LRRC4C: variants seen among roughly 807,000 people sequenced by gnomAD.
The protein encoded by LRRC4C is leucine-rich repeat-containing protein 4C.
In LRRC4C, 5 loss-of-function variants were observed where a neutral mutation model predicts 33.6. That is an observed-to-expected ratio of 0.15 (90% CI 0.08 to 0.31). LRRC4C has a LOEUF of 0.31. Among genes scored for constraint, LRRC4C ranks in the 10% least tolerant of loss-of-function variants. The pLI is 1.00. For synonymous variants in LRRC4C, 329 were observed against 302.0 expected, an observed-to-expected ratio of 1.09 and a Z score of -0.93; for missense variants, 560 against 796.7, an observed-to-expected ratio of 0.70 and a Z score of 3.58.
chr11:40,315,533 T>A (rs1326426747), intron 4 of LRRC4C, among the ~76,000 whole-genome samples: 2 of 152,018 alleles, frequency 1.3e-5, no homozygotes, highest in East Asian at 3.8e-4. Context: ...ATATTATGAA[T>A]ATATTCCCAT....
intron 5 of LRRC4C, among the ~76,000 whole-genome samples, chr11:40,197,625 A>T (rs923600193): frequency 1.6e-4 from 24 of 152,098 alleles, no homozygotes; most frequent in African/African-American, 5.3e-4. Flanking sequence ...TTTCCATTCA[A>T]ATTCTAGAAC....
At chr11:41,196,702 C>T (rs115439660) in intron 1 of LRRC4C, among the ~76,000 whole-genome samples, 3,803 of 152,012 alleles carry the variant, frequency 0.025, 173 homozygotes, top group African/African-American at 0.087. Flanking sequence ...GACAGATAAA[C>T]GGATGCATGA....
chr11:40,998,856 G>A (rs563520245), intron 1 of LRRC4C, among the ~76,000 whole-genome samples: 27 of 152,136 alleles, frequency 1.8e-4, no homozygotes, highest in South Asian at 4.1e-4. Flanking sequence ...TTTCTGGGGC[G>A]TTGTAATTTT....
intron 1 of LRRC4C, among the ~76,000 whole-genome samples, chr11:41,043,788 C>T (rs904119977): frequency 2.0e-5 from 3 of 151,926 alleles, no homozygotes; most frequent in African/African-American, 7.3e-5. Flanking sequence ...AGATGCTAAA[C>T]AATTATTTAT....
chr11:40,140,706 T>G (rs577219432), intron 6 of LRRC4C, 95 bp downstream of exon 6: 2 of 152,674 alleles, frequency 1.3e-5, no homozygotes, highest in South Asian at 2.1e-4. Flanking sequence ...ATTGCCGTTA[T>G]CAGGTTTGAC....
chr11:41,106,389 G>T lies in LRRC4C; in HGVS notation c.-495-172666C>A, dbSNP rs1234396537. Among the ~76,000 whole-genome samples, 12 of 151,800 alleles carry T rather than the reference G, an allele frequency of 7.9e-5. No individual in the cohort carries two copies. In the East Asian group the frequency reaches 2.1e-3, roughly 27 times the overall value. On this transcript the variant is annotated intron_variant, in intron 1 of 6. Coordinates refer to ENST00000528697, the MANE Select transcript of LRRC4C (RefSeq NM_001258419.2). ...GTGTCTATTTGACATGAGGCACTGT[G>T]CTAAGCATTTTACATGCATTGTCTA...
intron 1 of LRRC4C, among the ~76,000 whole-genome samples, chr11:41,377,732 A>G (rs977223005): frequency 6.6e-6 from 1 of 152,132 alleles, no homozygotes; most frequent in Non-Finnish European, 1.5e-5. Context: ...GAAATGTTTT[A>G]CTCGTTATGG....
chr11:41,192,669 C>T lies in LRRC4C; in HGVS notation c.-495-258946G>A, dbSNP rs760893479. Among the ~76,000 whole-genome samples, 9 of 151,826 alleles carry T rather than the reference C, an allele frequency of 5.9e-5. 1 individual carries two copies. Among genetic ancestry groups the T allele is most frequent in the East Asian group, 5.8e-4 (3 of 5,132 alleles). On this transcript the variant is annotated intron_variant, in intron 1 of 6. Transcript: ENST00000528697. ...TCTTGTCTTAAAAATGCAGCTTTTA[C>T]GTGAATGCAGAATTGCTATGAAAAA...
At chr11:41,024,678 T>C (rs1385321917) in intron 1 of LRRC4C, among the ~76,000 whole-genome samples, 1 of 151,716 alleles carries the variant, frequency 6.6e-6, no homozygotes, top group African/African-American at 2.4e-5. Context: ...GATGCATCTT[T>C]GATTTATGTT....
chr11:40,838,882 C>A (rs1252348060), intron 2 of LRRC4C, among the ~76,000 whole-genome samples: 1 of 151,792 alleles, frequency 6.6e-6, no homozygotes. Flanking sequence ...TCCCTAATTC[C>A]GTCAACAATT....
intron 4 of LRRC4C, among the ~76,000 whole-genome samples, chr11:40,317,583 C>A (rs1419103668): frequency 6.6e-6 from 1 of 152,062 alleles, no homozygotes; most frequent in Admixed American, 6.6e-5. Flanking sequence ...GAAACCCATG[C>A]CCTTCTATGT....
intron 1 of LRRC4C, among the ~76,000 whole-genome samples, chr11:41,336,442 G>GA (rs34109085): frequency 1.7e-4 from 25 of 148,752 alleles, no homozygotes; most frequent in Admixed American, 6.7e-4. Flanking sequence ...AAAAGGTGGG[G>GA]AAAAAAAAAA....
intron 1 of LRRC4C, among the ~76,000 whole-genome samples, chr11:40,960,703 T>C (rs774030639): frequency 6.6e-6 from 1 of 151,726 alleles, no homozygotes; most frequent in Non-Finnish European, 1.5e-5. Flanking sequence ...TCAAGGTATA[T>C]CTTAGTTGTC....
intron 1 of LRRC4C, among the ~76,000 whole-genome samples, chr11:41,148,183 C>G (rs1178596154): frequency 6.6e-6 from 1 of 151,896 alleles, no homozygotes; most frequent in Non-Finnish European, 1.5e-5. Flanking sequence ...GCCTGGCTAA[C>G]TTTTTGTATT....
intron 3 of LRRC4C, among the ~76,000 whole-genome samples, chr11:40,563,213 T>C (rs149519045): frequency 7.2e-5 from 11 of 152,202 alleles, no homozygotes; most frequent in Non-Finnish European, 1.3e-4. Flanking sequence ...GGACATAGAC[T>C]GAGATGAGTT....
At chr11:40,807,723 T>C (rs749785362) in intron 2 of LRRC4C, among the ~76,000 whole-genome samples, 3 of 152,242 alleles carry the variant, frequency 2.0e-5, no homozygotes, top group Non-Finnish European at 4.4e-5. Flanking sequence ...CAGCATCTCA[T>C]GCTTAGAGTA....
chr11:41,354,159 A>C (rs1344000009), intron 1 of LRRC4C, among the ~76,000 whole-genome samples: 2 of 152,192 alleles, frequency 1.3e-5, no homozygotes, highest in East Asian at 1.9e-4. Flanking sequence ...CCTATAACTG[A>C]TAAACAACTT....
intron 5 of LRRC4C, among the ~76,000 whole-genome samples, chr11:40,231,444 T>A (rs547366677): frequency 7.0e-6 from 1 of 142,960 alleles, no homozygotes; most frequent in East Asian, 2.2e-4. Flanking sequence ...ATAAGTACAT[T>A]AAATTATCAA....
chr11:40,489,909 C>T (rs1169501992), intron 3 of LRRC4C, among the ~76,000 whole-genome samples: 1 of 152,086 alleles, frequency 6.6e-6, no homozygotes, highest in Non-Finnish European at 1.5e-5. Context: ...ATTGAGCACT[C>T]ACTGTGTGTC....
Sources: allele counts gnomAD v4.1 joint callset (sites outside exome capture counted in the v4.1 genomes callset), GRCh38; gene constraint gnomAD v4.1.1; transcripts MANE v1.5; gene names NCBI Gene and HGNC (gene_info 2026-07-23, HGNC 2026-07-21).